HECW2: variants seen among roughly 807,000 people sequenced by gnomAD.
HECW2 encodes HECT, C2 and WW domain containing E3 ubiquitin protein ligase 2.
HECW2 carries 61 observed loss-of-function variants against 175.2 expected under a neutral mutation model. The ratio of observed to expected loss-of-function variants is 0.35; its 90% confidence interval spans 0.28 to 0.43. HECW2 has a LOEUF of 0.43. HECW2 is among the 20% of genes least tolerant of loss of function. The pLI is 1.00. For missense variants in HECW2, 1,524 were observed against 2,000.5 expected (o/e 0.76, Z 4.54); for synonymous variants, 671 against 731.0 (o/e 0.92, Z 1.32).
intron 1 of HECW2, among the ~76,000 whole-genome samples, chr2:196,541,731 G>GTTT (rs200576096): frequency 6.8e-6 from 1 of 146,966 alleles, no homozygotes; most frequent in African/African-American, 2.5e-5. Flanking sequence ...ACATTTAAAG[G>GTTT]TTTTTTTTTT....
chr2:196,269,488 C>A (rs113580707), intron 17 of HECW2: 7 of 110,776 alleles, frequency 6.3e-5, no homozygotes, highest in East Asian at 4.8e-4. Context: ...TCCGTCTCCC[C>A]CTACCTCCAA....
chr2:196,400,396 GAT>G (rs1694786307), intron 2 of HECW2, among the ~76,000 whole-genome samples: 1 of 152,156 alleles, frequency 6.6e-6, no homozygotes, highest in Non-Finnish European at 1.5e-5. Flanking sequence ...CTCTGGAAAA[GAT>G]ATAGAATTTT....
chr2:196,402,539 T>C (rs970457866), intron 2 of HECW2, among the ~76,000 whole-genome samples: 1 of 152,210 alleles, frequency 6.6e-6, no homozygotes, highest in Non-Finnish European at 1.5e-5. Flanking sequence ...TGTTCCATAA[T>C]GTTTCTCTGT....
chr2:196,515,910 G>T (rs944571261), intron 1 of HECW2, among the ~76,000 whole-genome samples: 1 of 151,554 alleles, frequency 6.6e-6, no homozygotes, highest in East Asian at 1.9e-4. Flanking sequence ...GATCACTTGA[G>T]GTCAGGAGTT....
At chr2:196,438,585 G>C (rs553012658) in intron 1 of HECW2, among the ~76,000 whole-genome samples, 10 of 152,298 alleles carry the variant, frequency 6.6e-5, no homozygotes, top group African/African-American at 2.4e-4. Flanking sequence ...CAACTCCATT[G>C]ATCAGAAAGA....
chr2:196,570,589 A>C (rs972366330), intron 1 of HECW2, among the ~76,000 whole-genome samples: 1 of 152,122 alleles, frequency 6.6e-6, no homozygotes, highest in South Asian at 2.1e-4. Flanking sequence ...CATTAGGAGA[A>C]ATACCTAATG....
intron 1 of HECW2, among the ~76,000 whole-genome samples, chr2:196,559,719 G>A (rs906497120): frequency 6.6e-6 from 1 of 152,168 alleles, no homozygotes; most frequent in African/African-American, 2.4e-5. Context: ...GAAAAAGGGG[G>A]AAAGGTTTTG....
At chr2:196,428,518 C>T (rs538992619) in intron 2 of HECW2, among the ~76,000 whole-genome samples, 4 of 152,260 alleles carry the variant, frequency 2.6e-5, no homozygotes, top group African/African-American at 9.6e-5. Context: ...TATCATTTTA[C>T]CTACTTTCAT....
intron 15 of HECW2, among the ~76,000 whole-genome samples, chr2:196,277,991 G>C (rs1690025274): frequency 1.2e-5 from 1 of 83,420 alleles, no homozygotes; most frequent in East Asian, 5.8e-4. Context: ...GGTGGGGGGA[G>C]GGGGGAGGGA....
chr2:196,372,524 G>A (rs1386173332), intron 2 of HECW2, among the ~76,000 whole-genome samples: 1 of 152,136 alleles, frequency 6.6e-6, no homozygotes, highest in Non-Finnish European at 1.5e-5. Context: ...AAAGGTGTAG[G>A]ATGGAGAACC....
intron 1 of HECW2, among the ~76,000 whole-genome samples, chr2:196,558,407 T>A (rs1469415573): frequency 1.3e-5 from 2 of 152,146 alleles, no homozygotes; most frequent in East Asian, 3.9e-4. Context: ...GAGCTTTACA[T>A]CAAACTCTAC....
intron 1 of HECW2, among the ~76,000 whole-genome samples, chr2:196,483,094 TAAAAAA>T (rs370614949): frequency 3.6e-5 from 4 of 110,426 alleles, no homozygotes; most frequent in South Asian, 3.0e-4. Context: ...TTCATAGTTG[TAAAAAA>T]AAAAAAAAAA....
chr2:196,212,355 T>C (rs549612300), intron 28 of HECW2, among the ~76,000 whole-genome samples: 3 of 152,244 alleles, frequency 2.0e-5, no homozygotes, highest in African/African-American at 7.2e-5. Flanking sequence ...CCTCTGACCC[T>C]CCACCCTCCA....
chr2:196,426,697 C>T (rs1695557166), intron 2 of HECW2, among the ~76,000 whole-genome samples: 1 of 152,076 alleles, frequency 6.6e-6, no homozygotes, highest in African/African-American at 2.4e-5. Context: ...CAATTCTCAG[C>T]ACAGGAAAGA....
intron 10 of HECW2, among the ~76,000 whole-genome samples, chr2:196,310,082 A>G (rs1229396881): frequency 1.3e-5 from 2 of 152,250 alleles, no homozygotes; most frequent in Non-Finnish European, 2.9e-5. Context: ...TGTCTTGCAC[A>G]TAGCATGTAA....
At chr2:196,333,702 T>G (rs1346514826) in intron 4 of HECW2, among the ~76,000 whole-genome samples, 3 of 152,252 alleles carry the variant, frequency 2.0e-5, no homozygotes, top group Non-Finnish European at 4.4e-5. Context: ...CTGTGTATTG[T>G]GAGACTGTTA....
chr2:196,561,929 G>A (rs535318901), intron 1 of HECW2, among the ~76,000 whole-genome samples: 2 of 152,332 alleles, frequency 1.3e-5, no homozygotes, highest in South Asian at 4.1e-4. Context: ...GCAATGAAAA[G>A]AGGCAATCAG....
chr2:196,493,358 A>G (rs1348883275), intron 1 of HECW2: 1 of 152,220 alleles, frequency 6.6e-6, no homozygotes, highest in Non-Finnish European at 1.5e-5. Context: ...ACAGGCTCAG[A>G]GACCCTGTAC....
chr2:196,385,021 A>G (rs1694308266), intron 2 of HECW2, among the ~76,000 whole-genome samples: 1 of 152,022 alleles, frequency 6.6e-6, no homozygotes, highest in Admixed American at 6.6e-5. Flanking sequence ...GGCTCAAGCA[A>G]TCCTCCTGCC....
Sources: gnomAD v4.1 joint callset for allele counts (sites outside exome capture counted in the v4.1 genomes callset) on GRCh38, gnomAD v4.1.1 for gene constraint, MANE v1.5 for transcripts, NCBI Gene and HGNC (gene_info 2026-07-23, HGNC 2026-07-21) for gene names.